The following KAZN variants were observed in gnomAD, a reference collection of about 807,000 sequenced individuals.
The protein encoded by KAZN is kazrin.
KAZN carries 40 observed loss-of-function variants against 87.4 expected under a neutral mutation model. That is an observed-to-expected ratio of 0.46 (90% CI 0.36 to 0.60). The LOEUF is 0.60. Ranked by LOEUF, KAZN falls within the 20% of genes least tolerant of loss-of-function variation. The pLI, the probability that KAZN is intolerant of heterozygous loss-of-function variation, is 0.00. For synonymous variants in KAZN, 466 were observed against 458.3 expected (o/e 1.02, Z -0.22); for missense variants, 898 against 1,073.9 (o/e 0.84, Z 2.29).
rs115493720 is a variant in KAZN at position 14,925,768 on chromosome 1, C to A, written c.227-34916C>A. ...TCTTGTTTTTGCCTATGGTAGCCTCCCCAGGAGATGGAATGCCGCCTCTGG... is the reference window on the plus strand; with the variant it reads ...TCTTGTTTTTGCCTATGGTAGCCTCACCAGGAGATGGAATGCCGCCTCTGG... On this transcript the variant is annotated intron_variant, in intron 1 of 14. Transcript: ENST00000376030. 7.9e-3 allele frequency among the ~76,000 whole-genome samples: 1,203 copies of A among 152,270 alleles called. 8 individuals are homozygous for A. Among genetic ancestry groups the A allele is most frequent in the Non-Finnish European group, 0.013 (891 of 68,022 alleles).
intron 8 of KAZN, among the ~76,000 whole-genome samples, chr1:15,070,035 T>C (rs1361074288): frequency 1.3e-5 from 2 of 152,228 alleles, no homozygotes; most frequent in African/African-American, 4.8e-5. Context: ...AAAACAGACG[T>C]TGAGTAACTC....
chr1:14,973,534 T>A (rs931725426), intron 2 of KAZN, among the ~76,000 whole-genome samples: 1 of 151,600 alleles, frequency 6.6e-6, no homozygotes, highest in Non-Finnish European at 1.5e-5. Flanking sequence ...GAACATTTGA[T>A]TTTTTTTTAG....
intron 1 of KAZN, among the ~76,000 whole-genome samples, chr1:13,927,946 A>G (rs546793244): frequency 7.2e-5 from 11 of 152,288 alleles, no homozygotes; most frequent in South Asian, 2.1e-4. Flanking sequence ...CAAAGATTCT[A>G]TGGTGGGAAC....
chr1:14,343,476 T>C (rs1166306001), intron 2 of KAZN, among the ~76,000 whole-genome samples: 2 of 152,138 alleles, frequency 1.3e-5, no homozygotes, highest in African/African-American at 2.4e-5. Flanking sequence ...AACGCAGATG[T>C]AGGTGATGGA....
At chr1:14,386,612 T>C (rs959542450) in intron 2 of KAZN, among the ~76,000 whole-genome samples, 1 of 152,092 alleles carries the variant, frequency 6.6e-6, no homozygotes, top group Non-Finnish European at 1.5e-5. Flanking sequence ...GGTGGAAAAT[T>C]CTTTTCTTTA....
At chr1:14,967,304 C>G (rs1027225772) in intron 2 of KAZN, among the ~76,000 whole-genome samples, 2 of 152,160 alleles carry the variant, frequency 1.3e-5, no homozygotes, top group Non-Finnish European at 2.9e-5. Context: ...TCCCTTCTGT[C>G]CCCTCAAGGT....
At chr1:14,096,917 C>T (rs1303321869) in intron 1 of KAZN, among the ~76,000 whole-genome samples, 1 of 152,176 alleles carries the variant, frequency 6.6e-6, no homozygotes, top group Non-Finnish European at 1.5e-5. Flanking sequence ...AGAAGCTCAC[C>T]CAGGGCTTTC....
At chr1:14,161,197 A>G (rs1423301032) in intron 1 of KAZN, among the ~76,000 whole-genome samples, 2 of 152,268 alleles carry the variant, frequency 1.3e-5, no homozygotes, top group Admixed American at 6.5e-5. Context: ...CATATTAGCT[A>G]TCTATTGCTG....
intron 1 of KAZN, among the ~76,000 whole-genome samples, chr1:14,051,865 A>AC (rs1642347421): frequency 6.6e-6 from 1 of 152,100 alleles, no homozygotes; most frequent in Non-Finnish European, 1.5e-5. Flanking sequence ...CAACCAAACA[A>AC]CAACAACAAC....
At chr1:15,057,625 G>A (rs1169551551) in intron 5 of KAZN, among the ~76,000 whole-genome samples, 1 of 152,150 alleles carries the variant, frequency 6.6e-6, no homozygotes, top group Non-Finnish European at 1.5e-5. Flanking sequence ...GGGCAGCTCT[G>A]GCCTTCAAAG....
At chr1:13,893,111 G>A (rs2100815731) in exon 1 of KAZN, 1 of 152,114 alleles carries the variant, frequency 6.6e-6, no homozygotes, top group South Asian at 2.1e-4. Context: ...GGGGACGCGG[G>A]AGCCCAGGGT....
At chr1:14,322,721 T>C (rs1335756556) in intron 2 of KAZN, among the ~76,000 whole-genome samples, 1 of 152,202 alleles carries the variant, frequency 6.6e-6, no homozygotes, top group East Asian at 1.9e-4. Context: ...GAGGAGTTGA[T>C]GCCTTTTTAA....
chr1:14,793,043 T>G (rs1645725867), intron 1 of KAZN, among the ~76,000 whole-genome samples: 1 of 149,026 alleles, frequency 6.7e-6, no homozygotes, highest in Admixed American at 6.7e-5. Context: ...CCGGAGGAGA[T>G]GAGGGTCAGC....
intron 2 of KAZN, among the ~76,000 whole-genome samples, chr1:14,404,896 A>C (rs1663704299): frequency 6.6e-6 from 1 of 152,236 alleles, no homozygotes; most frequent in African/African-American, 2.4e-5. Flanking sequence ...AACACCTGGC[A>C]TTCTGTCACA....
intron 4 of KAZN, among the ~76,000 whole-genome samples, chr1:15,054,839 G>A (rs180753217): frequency 2.0e-4 from 31 of 152,346 alleles, no homozygotes; most frequent in African/African-American, 6.7e-4. Context: ...GTGGCCAGTC[G>A]AGGCGGCCTC....
At chr1:13,927,192 T>A (rs1210928574) in intron 1 of KAZN, among the ~76,000 whole-genome samples, 3 of 152,188 alleles carry the variant, frequency 2.0e-5, no homozygotes, top group Non-Finnish European at 4.4e-5. Flanking sequence ...TGGGTTTTGT[T>A]AATAGAAGTA....
At chr1:14,031,093 A>C (rs1257011087) in intron 1 of KAZN, among the ~76,000 whole-genome samples, 1 of 152,206 alleles carries the variant, frequency 6.6e-6, no homozygotes, top group Non-Finnish European at 1.5e-5. Flanking sequence ...TAGGACATCC[A>C]TGCACCACCA....
chr1:14,122,550 A>T (rs940260647), intron 1 of KAZN, among the ~76,000 whole-genome samples: 6 of 152,128 alleles, frequency 3.9e-5, no homozygotes, highest in African/African-American at 1.2e-4. Flanking sequence ...TGTTCACCTG[A>T]CCCAGCTCAC....
chr1:14,914,954 G>C (rs1319682498), intron 1 of KAZN, among the ~76,000 whole-genome samples: 2 of 152,180 alleles, frequency 1.3e-5, no homozygotes, highest in Non-Finnish European at 2.9e-5. Flanking sequence ...ACTTTGGGAG[G>C]CTGAGGCGGG....
Sources: gnomAD v4.1 joint callset for allele counts (sites outside exome capture counted in the v4.1 genomes callset) on GRCh38, gnomAD v4.1.1 for gene constraint, MANE v1.5 for transcripts, NCBI Gene and HGNC (gene_info 2026-07-23, HGNC 2026-07-21) for gene names.